The following PRKN variants were observed in gnomAD, a reference collection of about 807,000 sequenced individuals.
The protein encoded by PRKN is E3 ubiquitin-protein ligase parkin.
In PRKN, 56 loss-of-function variants were observed where a neutral mutation model predicts 59.5. The observed-to-expected ratio is 0.94, with a 90% CI of 0.76 to 1.18. PRKN has a LOEUF of 1.18. Among genes scored for constraint, PRKN ranks in the 50% most tolerant of loss-of-function variants. PRKN has a pLI of 0.00. For synonymous variants in PRKN, 250 were observed against 222.1 expected (o/e 1.13, Z -1.12); for missense variants, 657 against 596.4 (o/e 1.10, Z -1.06).
chr6:162,193,379 C>T (rs1784367109), intron 4 of PRKN, among the ~76,000 whole-genome samples: 1 of 152,170 alleles, frequency 6.6e-6, no homozygotes, highest in Non-Finnish European at 1.5e-5. Context: ...TCCCTCTTCG[C>T]CAAAGCTGAA....
chr6:162,287,771 G>T (rs551065007), intron 2 of PRKN, among the ~76,000 whole-genome samples: 39 of 152,266 alleles, frequency 2.6e-4, no homozygotes, highest in African/African-American at 8.4e-4. Flanking sequence ...ATAGAAATTT[G>T]TGAAGGGATG....
At chr6:161,905,928 TAAAA>T (rs750946937) in intron 6 of PRKN, among the ~76,000 whole-genome samples, 22 of 105,002 alleles carry the variant, frequency 2.1e-4, no homozygotes, top group Non-Finnish European at 2.9e-4. Flanking sequence ...CCACTGCATC[TAAAA>T]AAAAAAAAAA....
At position 161,627,998 on chromosome 6, in the gene PRKN, C is replaced by G. The variant is rs145763264; in HGVS notation, c.872-58582G>C. Reference sequence around the variant, plus strand: ...TGGGCAGCTGCAAAATCGGTATTAGCCAAAACAAACTGATAATTAAACAAA... The same window carrying G: ...TGGGCAGCTGCAAAATCGGTATTAGGCAAAACAAACTGATAATTAAACAAA... On this transcript the variant is annotated intron_variant, in intron 7 of 11. Transcript: ENST00000366898. 4.5e-3 allele frequency among the ~76,000 whole-genome samples: 683 copies of G among 151,920 alleles called. 13 individuals carry two copies. In the East Asian group the frequency reaches 0.057, roughly 13 times the overall value.
intron 9 of PRKN, among the ~76,000 whole-genome samples, chr6:161,491,220 T>G (rs935381518): frequency 3.3e-5 from 5 of 152,156 alleles, no homozygotes; most frequent in Admixed American, 6.5e-5. Flanking sequence ...CTTAGAAAAC[T>G]TCGTATGGAC....
At position 161,622,624 on chromosome 6, in the gene PRKN, T is replaced by C. The variant is rs938779910; in HGVS notation, c.872-53208A>G. ...TGTGAGCCTGAAAGAGAGGTTCTGT[T>C]CCTCTTCTGTCTCTTATCTGACCAG... is the stretch of plus-strand genomic sequence containing the variant. On this transcript the variant is annotated intron_variant, in intron 7 of 11. Transcript: ENST00000366898. Among the ~76,000 whole-genome samples the C allele has an allele frequency of 4.4e-4, 67 of 152,320 alleles. 1 individual carries two copies. Among genetic ancestry groups the C allele is most frequent in the African/African-American group, 1.5e-3 (61 of 41,562 alleles).
chr6:161,839,789 G>C (rs910341550), intron 6 of PRKN, among the ~76,000 whole-genome samples: 1 of 152,150 alleles, frequency 6.6e-6, no homozygotes, highest in African/African-American at 2.4e-5. Flanking sequence ...CACTCCTCAG[G>C]AACACACGGA....
intron 5 of PRKN, among the ~76,000 whole-genome samples, chr6:162,036,260 C>T (rs966512797): frequency 6.6e-6 from 1 of 151,536 alleles, no homozygotes; most frequent in Non-Finnish European, 1.5e-5. Context: ...GGAGGCGGAG[C>T]TTGCAGTGAG....
At chr6:161,368,872 C>T (rs1785329927) in intron 10 of PRKN, among the ~76,000 whole-genome samples, 1 of 152,180 alleles carries the variant, frequency 6.6e-6, no homozygotes, top group Non-Finnish European at 1.5e-5. Context: ...CCCACTGCAC[C>T]TAACATGTGG....
At chr6:162,560,578 C>T (rs1299914948) in intron 1 of PRKN, among the ~76,000 whole-genome samples, 1 of 151,990 alleles carries the variant, frequency 6.6e-6, no homozygotes, top group African/African-American at 2.4e-5. Flanking sequence ...TAATACATCC[C>T]ATATAGTAAA....
chr6:162,384,659 A>AAC (rs1396012916), intron 2 of PRKN, among the ~76,000 whole-genome samples: 3 of 143,484 alleles, frequency 2.1e-5, no homozygotes, highest in East Asian at 4.8e-4. Flanking sequence ...AAAAAAAAAA[A>AAC]AAACAAAAAA....
chr6:162,396,864 C>A (rs1417239161), intron 2 of PRKN, among the ~76,000 whole-genome samples: 1 of 152,094 alleles, frequency 6.6e-6, no homozygotes, highest in Non-Finnish European at 1.5e-5. Flanking sequence ...TTCTGAGAAA[C>A]CACAAGTCTG....
chr6:161,779,375 G>A (rs1386493515), intron 7 of PRKN, among the ~76,000 whole-genome samples: 1 of 144,574 alleles, frequency 6.9e-6, no homozygotes, highest in Non-Finnish European at 1.5e-5. Context: ...TTTATAGTTT[G>A]ATAAGCTTTG....
chr6:161,580,849 G>A (rs1208720934), intron 7 of PRKN, among the ~76,000 whole-genome samples: 2 of 151,996 alleles, frequency 1.3e-5, no homozygotes, highest in Non-Finnish European at 1.5e-5. Context: ...TCGTTGGTGT[G>A]TCAAAGCTGA....
chr6:162,494,575 T>C (rs1792974383), intron 1 of PRKN, among the ~76,000 whole-genome samples: 2 of 152,152 alleles, frequency 1.3e-5, no homozygotes, highest in Admixed American at 1.3e-4. Context: ...CAAATCCCTA[T>C]AACAAAGCTG....
intron 7 of PRKN, among the ~76,000 whole-genome samples, chr6:161,631,793 A>ACACACACC (rs151114616): frequency 5.1e-4 from 75 of 147,294 alleles, no homozygotes; most frequent in Admixed American, 1.1e-3. Flanking sequence ...ACACACACAC[A>ACACACACC]CCCCACACAC....
At position 161,444,648 on chromosome 6, in the gene PRKN, G is replaced by T. The variant is rs1789402207; in HGVS notation, c.1084-57771C>A. 6.6e-6 allele frequency among the ~76,000 whole-genome samples: 1 copy of T among 152,240 alleles called. No individual in the cohort carries two copies. Among genetic ancestry groups the T allele is most frequent in the Non-Finnish European group, 1.5e-5 (1 of 68,040 alleles). ...CTGAGAGGCTAATTCACTGTGCTCA[G>T]CCTGTCTGCGGGTAGCGAGGGCTCC... On this transcript the variant is annotated intron_variant, in intron 9 of 11. Coordinates refer to ENST00000366898, the MANE Select transcript of PRKN (RefSeq NM_004562.3). The surrounding 1 kb of genome is among the most constrained non-coding windows in gnomAD (Gnocchi z 5.6).
chr6:162,462,452 T>C (rs12174214), intron 1 of PRKN, among the ~76,000 whole-genome samples: 33,821 of 152,092 alleles, frequency 0.22, 4,747 homozygotes, highest in African/African-American at 0.4. Context: ...ACATCAGACC[T>C]ATTTCATTTC....
chr6:162,240,941 C>T (rs1269985666), intron 3 of PRKN, among the ~76,000 whole-genome samples: 1 of 152,166 alleles, frequency 6.6e-6, no homozygotes, highest in Non-Finnish European at 1.5e-5. Flanking sequence ...GTGAAAGAAT[C>T]ACTGTGGTGA....
At chr6:162,453,443 G>A (rs1790719528) in intron 1 of PRKN, among the ~76,000 whole-genome samples, 1 of 152,098 alleles carries the variant, frequency 6.6e-6, no homozygotes, top group Non-Finnish European at 1.5e-5. Context: ...GTAGGAAAAA[G>A]GCAACTGAAA....
Sources: gnomAD v4.1 joint callset for allele counts (sites outside exome capture counted in the v4.1 genomes callset) on GRCh38, gnomAD v4.1.1 for gene constraint, Gnocchi (gnomAD v3.1) non-coding constraint, MANE v1.5 for transcripts, NCBI Gene and HGNC (gene_info 2026-07-23, HGNC 2026-07-21) for gene names.